The following DSCAML1 variants were observed in gnomAD, a reference collection of about 807,000 sequenced individuals.
DSCAML1 encodes the protein DS cell adhesion molecule like 1.
In DSCAML1, 38 loss-of-function variants were observed where a neutral mutation model predicts 200.5. The observed-to-expected ratio is 0.19, with a 90% CI of 0.15 to 0.25. The LOEUF is 0.25. Ranked by LOEUF, DSCAML1 falls within the 10% of genes least tolerant of loss-of-function variation. The pLI is 1.00. For synonymous variants in DSCAML1, 1,215 were observed against 1,165.0 expected, an observed-to-expected ratio of 1.04 and a Z score of -0.87; for missense variants, 2,223 against 2,858.8, an observed-to-expected ratio of 0.78 and a Z score of 5.07.
intron 3 of DSCAML1, among the ~76,000 whole-genome samples, chr11:117,695,167 A>C (rs1305511222): frequency 6.6e-6 from 1 of 152,260 alleles, no homozygotes; most frequent in Non-Finnish European, 1.5e-5. Flanking sequence ...GAGAGTCCAC[A>C]GCTACTGAGA....
chr11:117,721,829 A>G (rs1200876601), intron 3 of DSCAML1, among the ~76,000 whole-genome samples: 7 of 147,374 alleles, frequency 4.7e-5, no homozygotes, highest in Non-Finnish European at 8.9e-5. Context: ...TTTTTTTGAG[A>G]CAGAGTCTCG....
At chr11:117,627,049 T>C (rs1164016483) in intron 3 of DSCAML1, among the ~76,000 whole-genome samples, 1 of 152,224 alleles carries the variant, frequency 6.6e-6, no homozygotes, top group Non-Finnish European at 1.5e-5. Flanking sequence ...TTTATTTCTG[T>C]GGTAAATAAC....
chr11:117,717,226 G>A (rs1230416583), intron 3 of DSCAML1, among the ~76,000 whole-genome samples: 1 of 152,138 alleles, frequency 6.6e-6, no homozygotes, highest in Non-Finnish European at 1.5e-5. Context: ...CAAGGACACC[G>A]CCTGGGGCTC....
chr11:117,577,420 C>G (rs1437054384), intron 3 of DSCAML1, among the ~76,000 whole-genome samples: 1 of 107,198 alleles, frequency 9.3e-6, no homozygotes, highest in Non-Finnish European at 1.9e-5. Context: ...TCCTTTCCTC[C>G]TTTCCTTCCT....
chr11:117,746,111 A>T (rs2054513622), intron 3 of DSCAML1, among the ~76,000 whole-genome samples: 1 of 149,404 alleles, frequency 6.7e-6, no homozygotes, highest in Non-Finnish European at 1.5e-5. Flanking sequence ...AGTCCCAGTT[A>T]CCTGGGAGGC....
chr11:117,478,818 A>G (rs1354628150), intron 14 of DSCAML1, among the ~76,000 whole-genome samples: 1 of 152,220 alleles, frequency 6.6e-6, no homozygotes, highest in Non-Finnish European at 1.5e-5. Context: ...GACCCATCTC[A>G]GTGCAGCATC....
rs369132173 is a variant in DSCAML1 at position 117,806,258 on chromosome 11, G to C, written c.-250+11132C>G. On this transcript the variant is annotated intron_variant, in intron 1 of 2. Coordinates refer to the DSCAML1 transcript ENST00000525836. ...TGGTCAGTAAAAACCAAGGTAGGAT[G>C]TGAGTTGGGCTTGAGCAATGGGAAG... 1.3e-4 allele frequency among the ~76,000 whole-genome samples: 20 copies of C among 152,226 alleles called. No homozygotes were observed. In the East Asian group the frequency reaches 2.3e-3, roughly 18 times the overall value.
At chr11:117,688,770 C>T (rs1358184129) in intron 3 of DSCAML1, among the ~76,000 whole-genome samples, 1 of 152,216 alleles carries the variant, frequency 6.6e-6, no homozygotes, top group Non-Finnish European at 1.5e-5. Context: ...AATCTAATCA[C>T]CAGCATCTTC....
intron 3 of DSCAML1, among the ~76,000 whole-genome samples, chr11:117,722,845 TTC>T (rs2054063562): frequency 6.6e-6 from 1 of 152,190 alleles, no homozygotes; most frequent in Non-Finnish European, 1.5e-5. Context: ...TCTCAATGCC[TTC>T]TGATTCTAGA....
rs1397107525 is a variant in DSCAML1, at chr11:117,562,237, TTACTGACGCACTGTGGGTCCC to T, written c.512-29736_512-29716del. ...GGAGTCTGAGGAGCTCAAGCTCCAG[TTACTGACGCACTGTGGGTCCC>T]AAGGGAGCCCCCCAAGCCTCTCATA... On this transcript the variant is annotated intron_variant, in intron 3 of 32. Transcript: ENST00000651296. Among the ~76,000 whole-genome samples the T allele has an allele frequency of 2.6e-5, 4 of 152,244 alleles. No individual in the cohort carries two copies. The East Asian group carries it at 7.7e-4, about 29-fold the overall frequency.
At chr11:117,468,150 C>A (rs1297889830) in intron 16 of DSCAML1, among the ~76,000 whole-genome samples, 2 of 152,138 alleles carry the variant, frequency 1.3e-5, no homozygotes, top group African/African-American at 4.8e-5. Flanking sequence ...TTAAATCAAT[C>A]TTAACAATAT....
intron 3 of DSCAML1, among the ~76,000 whole-genome samples, chr11:117,635,249 G>A (rs1044101606): frequency 3.3e-5 from 5 of 152,188 alleles, no homozygotes; most frequent in African/African-American, 1.2e-4. Flanking sequence ...GAGCGGATGG[G>A]GAGGGAGACA....
intron 3 of DSCAML1, among the ~76,000 whole-genome samples, chr11:117,548,394 G>A (rs1018708097): frequency 6.6e-6 from 1 of 152,160 alleles, no homozygotes; most frequent in African/African-American, 2.4e-5. Context: ...TTGGCCATGG[G>A]GAGTCCTGCC....
chr11:117,627,275 A>G (rs2052067358), intron 3 of DSCAML1, among the ~76,000 whole-genome samples: 1 of 152,116 alleles, frequency 6.6e-6, no homozygotes, highest in South Asian at 2.1e-4. Flanking sequence ...AGAGGTTACA[A>G]GTAACCCCGC....
chr11:117,761,935 T>C (rs943285544), intron 3 of DSCAML1, among the ~76,000 whole-genome samples: 5 of 152,176 alleles, frequency 3.3e-5, no homozygotes, highest in African/African-American at 1.2e-4. Flanking sequence ...TGATACTGGG[T>C]AGACTAAAAG....
At chr11:117,519,849 G>A (rs1052099669) in intron 6 of DSCAML1, among the ~76,000 whole-genome samples, 1 of 152,138 alleles carries the variant, frequency 6.6e-6, no homozygotes, top group Non-Finnish European at 1.5e-5. Context: ...AAACAAAAAG[G>A]AAGACAAATG....
At chr11:117,502,853 G>C (rs926132251) in intron 11 of DSCAML1, among the ~76,000 whole-genome samples, 1 of 152,058 alleles carries the variant, frequency 6.6e-6, no homozygotes, top group Non-Finnish European at 1.5e-5. Context: ...CCAACCCCCC[G>C]CTCATAGTGT....
At chr11:117,812,818 T>C (rs1032518364) in intron 1 of DSCAML1, among the ~76,000 whole-genome samples, 2 of 148,244 alleles carry the variant, frequency 1.3e-5, no homozygotes, top group African/African-American at 2.4e-5. Context: ...GTTAGTGCAG[T>C]CAAAATTCTT....
chr11:117,652,264 C>T (rs181371622), intron 3 of DSCAML1, among the ~76,000 whole-genome samples: 2 of 152,334 alleles, frequency 1.3e-5, no homozygotes, highest in East Asian at 1.9e-4. Flanking sequence ...TGCTCTAGTC[C>T]CCAGCTCTTA....
Sources: allele counts gnomAD v4.1 joint callset (sites outside exome capture counted in the v4.1 genomes callset), GRCh38; gene constraint gnomAD v4.1.1; transcripts MANE v1.5; gene names NCBI Gene and HGNC (gene_info 2026-07-23, HGNC 2026-07-21).